Variants in DGKB observed in about 807,000 individuals in gnomAD.
DGKB encodes diacylglycerol kinase beta, also known as 90 kDa diacylglycerol kinase.
DGKB carries 67 observed loss-of-function variants against 114.3 expected under a neutral mutation model. That is an observed-to-expected ratio of 0.59 (90% CI 0.48 to 0.72). The LOEUF is 0.72. Ranked by LOEUF, DGKB falls within the 30% of genes least tolerant of loss-of-function variation. The pLI, the probability that DGKB is intolerant of heterozygous loss-of-function variation, is 0.00. For synonymous variants in DGKB, 398 were observed against 323.1 expected (o/e 1.23, Z -2.49); for missense variants, 907 against 975.2 (o/e 0.93, Z 0.93).
At chr7:14,874,000 C>T (rs778023996) in intron 1 of DGKB, among the ~76,000 whole-genome samples, 4 of 151,960 alleles carry the variant, frequency 2.6e-5, no homozygotes, top group Non-Finnish European at 4.4e-5. Context: ...ATATGCAGTA[C>T]TAATTTTAAA....
chr7:14,410,446 T>A (rs1347997708), intron 21 of DGKB, among the ~76,000 whole-genome samples: 1 of 152,112 alleles, frequency 6.6e-6, no homozygotes, highest in Non-Finnish European at 1.5e-5. Context: ...GCAAGACACA[T>A]CTAAAATAGA....
In DGKB at chr7:14,769,278, G is replaced by GAAAGAAAGAAAGAAAGAA. The variant is rs1554265920; in HGVS notation, c.71-11548_71-11547insTTCTTTCTTTCTTTCTTT. On this transcript the variant is annotated intron_variant, in intron 2 of 25. Coordinates refer to ENST00000402815, the MANE Select transcript of DGKB (RefSeq NM_001350709.2). Reference sequence around the variant, plus strand: ...AGAAAGAAAGAAAGAAAGAAAGAAAGAAAGATTTTGTAAAGGAGTTTAGTT... The same window carrying GAAAGAAAGAAAGAAAGAA: ...AGAAAGAAAGAAAGAAAGAAAGAAAGAAAGAAAGAAAGAAAGAAAAAGATTTTGTAAAGGAGTTTAGTT... Among the ~76,000 whole-genome samples, 215 of 77,150 alleles carry GAAAGAAAGAAAGAAAGAA rather than the reference G, an allele frequency of 2.8e-3. 6 individuals carry two copies. Among genetic ancestry groups the GAAAGAAAGAAAGAAAGAA allele is most frequent in the African/African-American group, 0.019 (194 of 10,200 alleles). 50.6% of individuals were successfully genotyped at this position (77,150 alleles called of 152,430 possible).
At chr7:14,914,479 T>A (rs1290382469) in intron 1 of DGKB, among the ~76,000 whole-genome samples, 1 of 152,150 alleles carries the variant, frequency 6.6e-6, no homozygotes, top group Non-Finnish European at 1.5e-5. Context: ...CTAAATCCTT[T>A]AGCACATACA....
chr7:14,499,086 A>G (rs1439298987), intron 20 of DGKB, among the ~76,000 whole-genome samples: 1 of 151,798 alleles, frequency 6.6e-6, no homozygotes, highest in Non-Finnish European at 1.5e-5. Context: ...CATTCTAAAA[A>G]GATAACTCTG....
At chr7:14,588,698 C>T (rs1801185049) in intron 17 of DGKB, among the ~76,000 whole-genome samples, 1 of 152,034 alleles carries the variant, frequency 6.6e-6, no homozygotes, top group Middle Eastern at 3.2e-3. Context: ...TATGCAAAGT[C>T]CATGATAAGT....
intron 23 of DGKB, among the ~76,000 whole-genome samples, chr7:14,217,279 G>A (rs1789138771): frequency 6.6e-6 from 1 of 152,062 alleles, no homozygotes; most frequent in African/African-American, 2.4e-5. Flanking sequence ...TTATAATTGT[G>A]AACAATTGTT....
At chr7:14,297,528 T>C (rs1802788059) in intron 23 of DGKB, among the ~76,000 whole-genome samples, 1 of 152,084 alleles carries the variant, frequency 6.6e-6, no homozygotes, top group African/African-American at 2.4e-5. Flanking sequence ...AGACACTCAA[T>C]AAAGTAGATA....
chr7:14,530,559 A>C (rs990056318), intron 20 of DGKB, among the ~76,000 whole-genome samples: 2 of 151,518 alleles, frequency 1.3e-5, no homozygotes, highest in African/African-American at 4.8e-5. Context: ...ACATATATTA[A>C]ACATGAAACA....
intron 7 of DGKB, among the ~76,000 whole-genome samples, chr7:14,700,716 C>G (rs539653688): frequency 6.6e-6 from 1 of 152,222 alleles, no homozygotes; most frequent in Non-Finnish European, 1.5e-5. Context: ...ATTTTAGCTG[C>G]CATAGGGTGG....
At chr7:14,267,790 ATTGTT>A (rs1392475693) in intron 23 of DGKB, among the ~76,000 whole-genome samples, 4 of 152,048 alleles carry the variant, frequency 2.6e-5, no homozygotes, top group African/African-American at 9.7e-5. Flanking sequence ...TTCCCGGCCT[ATTGTT>A]TTAAGTCACT....
intron 21 of DGKB, among the ~76,000 whole-genome samples, chr7:14,359,979 A>G (rs1000235599): frequency 6.6e-6 from 1 of 152,246 alleles, no homozygotes; most frequent in South Asian, 2.1e-4. Flanking sequence ...TACCCAAAGG[A>G]TTATAAATCA....
At chr7:14,314,957 A>T (rs1294985349) in intron 23 of DGKB, among the ~76,000 whole-genome samples, 1 of 151,752 alleles carries the variant, frequency 6.6e-6, no homozygotes, top group Non-Finnish European at 1.5e-5. Context: ...TACAAGCCAG[A>T]AGAGAGTGGG....
At chr7:14,725,591 G>A (rs1215103900) in intron 5 of DGKB, among the ~76,000 whole-genome samples, 1 of 150,958 alleles carries the variant, frequency 6.6e-6, no homozygotes, top group African/African-American at 2.4e-5. Flanking sequence ...CTCACTCTCT[G>A]ATGCCCAGGC....
intron 3 of DGKB, 148 bp downstream of exon 3, chr7:14,757,507 T>C (rs1835058532): frequency 5.8e-6 from 3 of 516,966 alleles, no homozygotes; most frequent in Non-Finnish European, 7.0e-6. Context: ...CATACACATA[T>C]ACATACATCT....
intron 9 of DGKB, among the ~76,000 whole-genome samples, chr7:14,690,356 C>A (rs1269570118): frequency 6.6e-6 from 1 of 152,320 alleles, no homozygotes; most frequent in Admixed American, 6.5e-5. Context: ...GTTATCTGAT[C>A]AATTTGATGA....
Position 14,517,844 on chromosome 7 carries a change from C to T in DGKB, c.1771-39619G>A, listed in dbSNP as rs189603544. ...TGGCGAGGTTGTGGAGAAAAGGGAA[C>T]ACTTATACACTGCAGGTGGGAATGT... is the stretch of plus-strand genomic sequence containing the variant. On this transcript the variant is annotated intron_variant, in intron 20 of 25. Coordinates refer to ENST00000402815, the MANE Select transcript of DGKB (RefSeq NM_001350709.2). 4.9e-3 allele frequency among the ~76,000 whole-genome samples: 741 copies of T among 152,122 alleles called. 8 individuals are homozygous for T. Among genetic ancestry groups the T allele is most frequent in the African/African-American group, 0.017 (703 of 41,508 alleles).
chr7:14,299,825 A>G (rs1454590305), intron 23 of DGKB, among the ~76,000 whole-genome samples: 3 of 152,118 alleles, frequency 2.0e-5, no homozygotes, highest in Non-Finnish European at 4.4e-5. Flanking sequence ...CATTTCTGAG[A>G]AGCACTAGCC....
chr7:14,628,002 C>T (rs1808952327), intron 14 of DGKB, among the ~76,000 whole-genome samples: 1 of 151,808 alleles, frequency 6.6e-6, no homozygotes, highest in Non-Finnish European at 1.5e-5. Flanking sequence ...CCTCAACATT[C>T]CTCTTTCTCC....
At chr7:14,240,557 C>T (rs1249551730) in intron 23 of DGKB, among the ~76,000 whole-genome samples, 3 of 151,998 alleles carry the variant, frequency 2.0e-5, no homozygotes, top group African/African-American at 7.2e-5. Flanking sequence ...TAAGATGACT[C>T]CTAAGGAAAA....
Sources: allele counts gnomAD v4.1 joint callset (sites outside exome capture counted in the v4.1 genomes callset), GRCh38; gene constraint gnomAD v4.1.1; transcripts MANE v1.5; gene names NCBI Gene and HGNC (gene_info 2026-07-23, HGNC 2026-07-21).